The following RPL19 variants were observed in gnomAD, a reference collection of about 807,000 sequenced individuals.
The protein encoded by RPL19 is large ribosomal subunit protein eL19.
RPL19 carries 2 observed loss-of-function variants against 25.1 expected under a neutral mutation model. The observed-to-expected ratio is 0.08, with a 90% confidence interval of 0.03 to 0.25. The LOEUF is 0.25. RPL19 is among the 10% of genes least tolerant of loss of function. RPL19 has a pLI of 1.00. For synonymous variants in RPL19, 89 were observed against 91.2 expected (o/e 0.98, Z 0.14); for missense variants, 123 against 271.8 (o/e 0.45, Z 3.85).
Position 39,200,311 on chromosome 17 carries a change from C to T in RPL19, c.-34C>T, listed in dbSNP as rs561894209. ...GATAATGGGAGGAGCCGGGCCCGAGCGAGCTCTTTCCTTTCGCTGCTGCGG... is the reference window on the plus strand; with the variant it reads ...GATAATGGGAGGAGCCGGGCCCGAGTGAGCTCTTTCCTTTCGCTGCTGCGG... On this transcript the variant is annotated 5_prime_UTR_variant, in exon 1 of 6. The change creates a premature stop within an existing upstream ORF in the 5' untranslated region. Transcript: ENST00000225430. 7.8e-6 allele frequency: 12 copies of T among 1,537,448 alleles called. 1 individual carries two copies. Among genetic ancestry groups the T allele is most frequent in the African/African-American group, 4.1e-5 (3 of 72,728 alleles).
chr17:39,202,939 T>A (rs766318785), intron 3 of RPL19, 50 bp from the exon 4 acceptor site: 5 of 1,610,390 alleles, frequency 3.1e-6, no homozygotes, highest in African/African-American at 2.7e-5. Context: ...GGTGTACTTA[T>A]ACACAGTGGG....
chr17:39,202,864 C>G (rs965454965), intron 3 of RPL19, 125 bp from the exon 4 acceptor site: 1 of 1,040,026 alleles, frequency 9.6e-7, no homozygotes, highest in Non-Finnish European at 1.4e-6. Context: ...GGAAGTAATG[C>G]TACTTAAAAT....
At chr17:39,204,269 T>C (rs141682268) in intron 5 of RPL19, 82 bp downstream of exon 5, 21 of 968,756 alleles carry the variant, frequency 2.2e-5, no homozygotes, top group Non-Finnish European at 3.1e-5. Flanking sequence ...TGCCAATGCC[T>C]AAGTCTTGAC....
At chr17:39,200,805 A>G (rs1214006424) in intron 1 of RPL19, 5 of 1,010,052 alleles carry the variant, frequency 5.0e-6, no homozygotes, top group Non-Finnish European at 6.0e-6. Context: ...ATCTCTGCGA[A>G]TAGCCGAACG....
At chr17:39,203,245 G>C (rs888544069) in intron 4 of RPL19, 136 bp downstream of exon 4, 49 of 890,528 alleles carry the variant, frequency 5.5e-5, no homozygotes, top group Non-Finnish European at 7.9e-5. Context: ...GCAGTGGCGC[G>C]ATCTCAGCTC....
At chr17:39,201,581 TA>T (rs1460415252) in intron 2 of RPL19, among the ~76,000 whole-genome samples, 1 of 151,904 alleles carries the variant, frequency 6.6e-6, no homozygotes, top group Non-Finnish European at 1.5e-5. Context: ...TATTTTATTT[TA>T]TTTTTTTTGG....
chr17:39,202,645 C>T (rs796909359), intron 3 of RPL19: 2 of 638,290 alleles, frequency 3.1e-6, no homozygotes, highest in African/African-American at 3.7e-5. Context: ...TTTACTAAGT[C>T]CCTACCTACA....
chr17:39,200,773 C>T, intron 1 of RPL19: 1 of 1,046,076 alleles, frequency 9.6e-7, no homozygotes, highest in Non-Finnish European at 1.2e-6. Flanking sequence ...TCCATTCACT[C>T]CTTTGGCCTC....
chr17:39,202,960 G>A (rs1321468128), intron 3 of RPL19, 29 bp from the exon 4 acceptor site: 1 of 1,613,622 alleles, frequency 6.2e-7, no homozygotes, highest in South Asian at 1.1e-5. Flanking sequence ...CCTGGGTAGT[G>A]GCCCGTTCCT....
chr17:39,202,223 C>CA, intron 2 of RPL19, 94 bp from the exon 3 acceptor site: 14 of 1,499,634 alleles, frequency 9.3e-6, no homozygotes, highest in Non-Finnish European at 1.1e-5. Flanking sequence ...ACCGTGGGGC[C>CA]AAGAATGTGA....
chr17:39,201,205 G>A lies in RPL19; in HGVS notation c.6-8G>A, dbSNP rs565373940. On this transcript the variant is annotated splice_polypyrimidine_tract_variant and splice_region_variant and intron_variant, in intron 1 of 5. Transcript: ENST00000225430. Reference sequence around the variant, plus strand: ...TTCAGAGTCTAATCATGTTTTCTGTGTGTCTAGTATGCTCAGGCTTCAGAA... The same window carrying A: ...TTCAGAGTCTAATCATGTTTTCTGTATGTCTAGTATGCTCAGGCTTCAGAA... The A allele has an allele frequency of 1.9e-6, 3 of 1,588,094 alleles. No homozygotes were observed. The highest frequency in any genetic ancestry group is 2.2e-5 in the South Asian group (2 of 89,094).
rs770476416 is a variant in RPL19 at position 39,204,617 on chromosome 17, C to G, written c.560C>G (p.Thr187Ser). 1.2e-6 allele frequency: 2 copies of G among 1,614,152 alleles called. No homozygotes were observed. The stretch of plus-strand genomic sequence containing the variant: ...GCCAAGAAGGAGGAGATCATCAAGA[C>G]TTTATCCAAGGAGGAAGAGACCAAG... ...LQAKKEEIIK[T>S]LSKEEETKK The change falls in exon 6 of 6, where the codon ACT becomes AGT. Residue 187 changes from threonine to serine, a missense_variant. Transcript: ENST00000225430.
At chr17:39,202,556 G>T (rs2046298646) in intron 3 of RPL19, 117 bp downstream of exon 3, 2 of 1,327,402 alleles carry the variant, frequency 1.5e-6, no homozygotes, top group East Asian at 2.4e-5. Flanking sequence ...CTTGATATTT[G>T]ATGTGTTTTC....
Position 39,201,105 on chromosome 17 carries a change from C to G in RPL19, c.6-108C>G, listed in dbSNP as rs1442697379. 5 of 756,254 alleles carry G rather than the reference C, an allele frequency of 6.6e-6. No individual in the cohort carries two copies. The South Asian group carries it at 8.2e-5, about 12-fold the overall frequency. The allele number at this position is 756,254 out of a possible 1,614,324, so 46.8% of individuals were successfully genotyped here. On this transcript the variant is annotated intron_variant, in intron 1 of 5. Coordinates refer to ENST00000225430, the MANE Select transcript of RPL19 (RefSeq NM_000981.4). ...CCTTAAAGATGATTTAGGGAAGAGT[C>G]TTATTTCGCGGCTGTGGTGTGGGTC...
chr17:39,200,322 C>T lies in RPL19; in HGVS notation c.-23C>T, dbSNP rs766124519. On this transcript the variant is annotated 5_prime_UTR_variant, in exon 1 of 6. Coordinates refer to ENST00000225430, the MANE Select transcript of RPL19 (RefSeq NM_000981.4). ...GAGCCGGGCCCGAGCGAGCTCTTTC[C>T]TTTCGCTGCTGCGGCCGCAGCCATG... 43 of 1,552,252 alleles carry T rather than the reference C, an allele frequency of 2.8e-5. No homozygotes were observed. The highest frequency in any genetic ancestry group is 6.0e-5 in the South Asian group (5 of 83,600).
chr17:39,200,372 C>T (rs1311069204), intron 1 of RPL19, 23 bp downstream of exon 1: 5 of 1,562,320 alleles, frequency 3.2e-6, no homozygotes, highest in Non-Finnish European at 4.3e-6. Context: ...TGGTCTCCAT[C>T]AGGCGCTGAC....
At chr17:39,204,392 G>A (rs2046310455) in intron 5 of RPL19, 133 bp from the exon 6 acceptor site, 1 of 1,142,358 alleles carries the variant, frequency 8.8e-7, no homozygotes, top group Non-Finnish European at 1.3e-6. Context: ...GTTGAAGCAG[G>A]AGCCTTTGGT....
Position 39,204,520 on chromosome 17 carries a change from A to C in RPL19, c.468-5A>C. ...ACTGACCCGTCTTTTCTCTTCCCTG[A>C]CCAGTGACCAGGCTGAGGCCCGCAG... On this transcript the variant is annotated splice_region_variant and splice_polypyrimidine_tract_variant and intron_variant, in intron 5 of 5. Transcript: ENST00000225430. 6.2e-7 allele frequency: 1 copy of C among 1,614,048 alleles called. No homozygotes were observed. Among genetic ancestry groups the C allele is most frequent in the East Asian group, 2.2e-5 (1 of 44,886 alleles).
At chr17:39,202,595 C>A in intron 3 of RPL19, 156 bp downstream of exon 3, 3 of 935,770 alleles carry the variant, frequency 3.2e-6, no homozygotes, top group Non-Finnish European at 4.8e-6. Context: ...AAAGTTGGTG[C>A]TGGTATTGGA....
Sources: gnomAD v4.1 joint callset for allele counts (sites outside exome capture counted in the v4.1 genomes callset) on GRCh38, gnomAD v4.1.1 for gene constraint, MANE v1.5 for transcripts, NCBI Gene and HGNC (gene_info 2026-07-23, HGNC 2026-07-21) for gene names.